FBN2: variants seen among roughly 807,000 people sequenced by gnomAD.
FBN2 encodes fibrillin-2.
Under a neutral mutation model 355.6 loss-of-function variants are expected in FBN2, and 105 were observed. That is an observed-to-expected ratio of 0.30 (90% confidence interval 0.25 to 0.35). The LOEUF is 0.35. Among genes scored for constraint, FBN2 ranks in the 10% least tolerant of loss-of-function variants. The probability of loss-of-function intolerance (pLI) is 1.00; values close to 1 mark genes in which losing one functional copy is unlikely to be tolerated. For missense variants in FBN2, 3,280 were observed against 3,758.7 expected, an observed-to-expected ratio of 0.87 and a Z score of 3.33; for synonymous variants, 1,350 against 1,301.2, an observed-to-expected ratio of 1.04 and a Z score of -0.81.
At chr5:128,368,527 G>A (rs999183540) in intron 16 of FBN2, among the ~76,000 whole-genome samples, 1 of 138,246 alleles carries the variant, frequency 7.2e-6, no homozygotes, top group Admixed American at 7.2e-5. Flanking sequence ...TTGAGTTCTT[G>A]TTGTGTTTAT....
intron 21 of FBN2, 62 bp downstream of exon 21, chr5:128,350,806 G>C: frequency 6.3e-7 from 1 of 1,582,506 alleles, no homozygotes; most frequent in Non-Finnish European, 8.7e-7. Context: ...AGTGAAAGAG[G>C]TGTCCTAGTG....
intron 41 of FBN2, among the ~76,000 whole-genome samples, chr5:128,307,672 C>A: frequency 7.1e-6 from 1 of 141,242 alleles, no homozygotes; most frequent in South Asian, 2.2e-4. Flanking sequence ...CGAATTTTGT[C>A]TTTTTTTTTT....
At chr5:128,532,391 T>C (rs1756732770) in intron 2 of FBN2, among the ~76,000 whole-genome samples, 1 of 152,202 alleles carries the variant, frequency 6.6e-6, no homozygotes, top group Non-Finnish European at 1.5e-5. Flanking sequence ...ATTCCACAGA[T>C]ACTCCACACT....
chr5:128,511,262 T>C (rs1756121272), intron 5 of FBN2, among the ~76,000 whole-genome samples: 1 of 152,196 alleles, frequency 6.6e-6, no homozygotes, highest in East Asian at 1.9e-4. Flanking sequence ...AGAACTGCTT[T>C]CAAGCATACA....
intron 26 of FBN2, 108 bp from the exon 27 acceptor site, chr5:128,338,230 A>G: frequency 9.0e-7 from 1 of 1,110,962 alleles, no homozygotes; most frequent in Non-Finnish European, 1.3e-6. Flanking sequence ...GAGTTAGTGG[A>G]AGAGAGATGC....
intron 7 of FBN2, among the ~76,000 whole-genome samples, chr5:128,439,467 C>T (rs572502668): frequency 1.3e-5 from 2 of 152,194 alleles, no homozygotes; most frequent in African/African-American, 4.8e-5. Context: ...TTTTATATTA[C>T]ACTCTCTTAT....
chr5:128,334,030 A>C (rs2126893920), intron 31 of FBN2, among the ~76,000 whole-genome samples: 1 of 152,178 alleles, frequency 6.6e-6, no homozygotes, highest in East Asian at 1.9e-4. Flanking sequence ...TAAGTCTTAA[A>C]TTGTGCACTG....
At chr5:128,309,184 C>T in intron 41 of FBN2, 63 bp downstream of exon 41, 3 of 1,556,376 alleles carry the variant, frequency 1.9e-6, no homozygotes, top group Non-Finnish European at 2.7e-6. Flanking sequence ...TTTGACTATA[C>T]TGTTAGATAT....
At chr5:128,463,008 C>T (rs1754599020) in intron 6 of FBN2, among the ~76,000 whole-genome samples, 1 of 151,934 alleles carries the variant, frequency 6.6e-6, no homozygotes, top group Admixed American at 6.6e-5. Context: ...GAATTAAAAA[C>T]AACAAAGAAA....
intron 5 of FBN2, among the ~76,000 whole-genome samples, chr5:128,484,468 C>T (rs1191819227): frequency 2.0e-5 from 3 of 152,104 alleles, no homozygotes; most frequent in Admixed American, 2.0e-4. Flanking sequence ...TGCAAATCAA[C>T]AAGAAAGACA....
intron 62 of FBN2, among the ~76,000 whole-genome samples, chr5:128,264,416 A>G (rs1225925378): frequency 6.6e-6 from 1 of 152,348 alleles, no homozygotes; most frequent in East Asian, 1.9e-4. Context: ...GCATCCAGCC[A>G]TCAGCCAGCT....
chr5:128,419,135 T>A (rs553563533), intron 7 of FBN2, among the ~76,000 whole-genome samples: 2 of 152,354 alleles, frequency 1.3e-5, no homozygotes, highest in South Asian at 4.1e-4. Context: ...TCTTGTACAA[T>A]TGCAACTTTG....
chr5:128,527,426 A>T (rs960885866), intron 4 of FBN2, among the ~76,000 whole-genome samples: 4 of 152,186 alleles, frequency 2.6e-5, no homozygotes, highest in Non-Finnish European at 4.4e-5. Context: ...AATTTATCAG[A>T]TTGGCTCTCC....
Position 128,278,671 on chromosome 5 carries a change from A to G in FBN2, c.7309T>C (p.Cys2437Arg). ...GTTGTATATCCTGGGCCATGAGGACATATCTTTTTGTACTGGGCAGTTCCA... is the reference window on the plus strand; with the variant it reads ...GTTGTATATCCTGGGCCATGAGGACGTATCTTTTTGTACTGGGCAGTTCCA... ...LPGTAQYKKI[C>R]PHGPGYTTDG... Residue 2437 changes from cysteine to arginine, a missense_variant, in exon 57 of 65, where the codon TGT becomes CGT. Physicochemically the swap from Cys to Arg is radical, Grantham distance 180. Around this residue, in one of 6 missense-constraint regions of FBN2, gnomAD observed 2,284 missense variants for 2,749.5 expected, o/e 0.83. Transcript: ENST00000262464. 6.2e-7 allele frequency: 1 copy of G among 1,614,116 alleles called. No individual in the cohort carries two copies. The highest frequency in any genetic ancestry group is 8.5e-7 in the Non-Finnish European group (1 of 1,180,002).
intron 7 of FBN2, among the ~76,000 whole-genome samples, chr5:128,440,329 AAAG>A (rs1272517828): frequency 2.6e-5 from 4 of 152,190 alleles, no homozygotes; most frequent in South Asian, 2.1e-4. Context: ...ATAAAGAAAA[AAAG>A]TTTTATTTTA....
At chr5:128,452,763 C>T (rs13179424) in intron 6 of FBN2, among the ~76,000 whole-genome samples, 24,744 of 151,790 alleles carry the variant, frequency 0.16, 2,153 homozygotes, top group Non-Finnish European at 0.21. Flanking sequence ...GATACAGGTG[C>T]GGGTTTGTTA....
intron 7 of FBN2, among the ~76,000 whole-genome samples, chr5:128,429,837 T>C (rs1401078499): frequency 6.6e-6 from 1 of 152,202 alleles, no homozygotes; most frequent in Non-Finnish European, 1.5e-5. Flanking sequence ...GTTTATTAAG[T>C]TGAATTAATT....
chr5:128,520,836 A>G (rs1045129817), intron 4 of FBN2, among the ~76,000 whole-genome samples: 3 of 152,056 alleles, frequency 2.0e-5, no homozygotes, highest in African/African-American at 7.2e-5. Context: ...TTCTTTACCT[A>G]TCTCCAGCTG....
chr5:128,518,210 A>G (rs928821804), intron 5 of FBN2, among the ~76,000 whole-genome samples: 9 of 152,160 alleles, frequency 5.9e-5, no homozygotes, highest in Admixed American at 4.6e-4. Context: ...AGCTCAACCT[A>G]AAAGATCACA....
Sources: gnomAD v4.1 joint callset for allele counts (sites outside exome capture counted in the v4.1 genomes callset) on GRCh38, gnomAD v4.1.1 for gene constraint, gnomAD v4.1.1 regional missense constraint, MANE v1.5 for transcripts, NCBI Gene and HGNC (gene_info 2026-07-23, HGNC 2026-07-21) for gene names.